The following CNTN5 variants were observed in gnomAD, a reference collection of about 807,000 sequenced individuals.
CNTN5 encodes the protein contactin 5, also known as contactin-5.
In CNTN5, 77 loss-of-function variants were observed where a neutral mutation model predicts 129.1. The observed-to-expected ratio is 0.60, with a 90% CI of 0.50 to 0.72. The LOEUF is 0.72. CNTN5 is among the 30% of genes least tolerant of loss of function. The pLI, the probability that CNTN5 is intolerant of heterozygous loss-of-function variation, is 0.00. For missense variants in CNTN5, 1,478 were observed against 1,328.8 expected (o/e 1.11, Z -1.75); for synonymous variants, 509 against 465.6 (o/e 1.09, Z -1.20).
intron 13 of CNTN5, among the ~76,000 whole-genome samples, chr11:100,184,371 A>G (rs993654896): frequency 6.6e-6 from 1 of 152,188 alleles, no homozygotes; most frequent in Non-Finnish European, 1.5e-5. Flanking sequence ...GCTTTAAAAC[A>G]TAGGGTCTTA....
At chr11:100,148,271 A>C (rs1946923126) in intron 13 of CNTN5, among the ~76,000 whole-genome samples, 1 of 152,180 alleles carries the variant, frequency 6.6e-6, no homozygotes, top group African/African-American at 2.4e-5. Context: ...TTGTCATTTA[A>C]TATCTCAGCC....
At chr11:99,944,244 C>A (rs1591459457) in intron 7 of CNTN5, among the ~76,000 whole-genome samples, 1 of 151,916 alleles carries the variant, frequency 6.6e-6, no homozygotes, top group Non-Finnish European at 1.5e-5. Context: ...AAAATCAACA[C>A]CCTAACATCA....
At chr11:99,078,837 T>C (rs1865684939) in intron 1 of CNTN5, among the ~76,000 whole-genome samples, 1 of 151,922 alleles carries the variant, frequency 6.6e-6, no homozygotes, top group East Asian at 1.9e-4. Context: ...GGTTAGTGGA[T>C]ATAAAAATAT....
chr11:100,333,420 A>C (rs1177422506), intron 21 of CNTN5, among the ~76,000 whole-genome samples: 2 of 150,170 alleles, frequency 1.3e-5, no homozygotes, highest in Non-Finnish European at 3.0e-5. Context: ...AAAAAAAAAA[A>C]AAAAAAAAAA....
At chr11:100,001,211 G>A (rs1939853291) in intron 8 of CNTN5, among the ~76,000 whole-genome samples, 3 of 152,266 alleles carry the variant, frequency 2.0e-5, no homozygotes, top group Non-Finnish European at 2.9e-5. Flanking sequence ...ATGATGGAAG[G>A]AGAAGGAGAA....
chr11:100,320,061 C>T (rs868681130), intron 21 of CNTN5, among the ~76,000 whole-genome samples: 2 of 151,938 alleles, frequency 1.3e-5, no homozygotes, highest in East Asian at 1.9e-4. Context: ...TCATTTTATT[C>T]GAATATATAC....
chr11:99,832,737 T>C (rs371629857), intron 4 of CNTN5, among the ~76,000 whole-genome samples: 25 of 152,290 alleles, frequency 1.6e-4, no homozygotes, highest in Middle Eastern at 3.4e-3. Flanking sequence ...TTCTTGAAAT[T>C]GTCACATAAA....
chr11:100,055,385 T>G (rs1347344918), intron 9 of CNTN5, among the ~76,000 whole-genome samples: 1 of 151,608 alleles, frequency 6.6e-6, no homozygotes, highest in East Asian at 1.9e-4. Flanking sequence ...ATTATTTGTG[T>G]TTTTTCTTAC....
chr11:99,842,527 T>A lies in CNTN5; in HGVS notation c.278-2325T>A, dbSNP rs139639737. On this transcript the variant is annotated intron_variant, in intron 4 of 24. Coordinates refer to ENST00000524871, the MANE Select transcript of CNTN5 (RefSeq NM_014361.4). ...TTGGTTCATGGCTAAAAAATACTAC[T>A]ACTAGAATTTGAACTTACATGTGTC... Among the ~76,000 whole-genome samples the A allele has an allele frequency of 4.8e-4, 73 of 152,342 alleles. No individual in the cohort carries two copies. In the East Asian group the frequency reaches 0.013, roughly 28 times the overall value.
chr11:99,784,980 T>C (rs1361286422), intron 3 of CNTN5, among the ~76,000 whole-genome samples: 2 of 151,862 alleles, frequency 1.3e-5, no homozygotes, highest in Non-Finnish European at 2.9e-5. Context: ...TTTGTATTTT[T>C]AGTAGAGACA....
intron 8 of CNTN5, among the ~76,000 whole-genome samples, chr11:99,980,097 C>A (rs1210755009): frequency 6.6e-6 from 1 of 151,982 alleles, no homozygotes. Flanking sequence ...AATGCTAGAC[C>A]TCTAGCTGTC....
At chr11:99,655,929 A>AAT (rs1438143162) in intron 3 of CNTN5, among the ~76,000 whole-genome samples, 1 of 151,366 alleles carries the variant, frequency 6.6e-6, no homozygotes, top group African/African-American at 2.5e-5. Context: ...ATAAAATACA[A>AAT]ATATATACAC....
intron 3 of CNTN5, among the ~76,000 whole-genome samples, chr11:99,580,650 T>G (rs1949547330): frequency 6.6e-6 from 1 of 152,206 alleles, no homozygotes; most frequent in Admixed American, 6.5e-5. Flanking sequence ...GATGGTAGTT[T>G]GTAGTTCTGT....
intron 1 of CNTN5, among the ~76,000 whole-genome samples, chr11:99,227,345 G>A (rs1348419249): frequency 2.0e-5 from 3 of 151,206 alleles, no homozygotes; most frequent in Non-Finnish European, 4.4e-5. Context: ...GGGGGACAGA[G>A]CGAGAATCTG....
intron 3 of CNTN5, among the ~76,000 whole-genome samples, chr11:99,717,399 G>A (rs17134252): frequency 0.06 from 9,115 of 152,020 alleles, 283 homozygotes; most frequent in East Asian, 0.086. Context: ...AAAGAAAAGC[G>A]TAGGGAAGTT....
At chr11:99,780,980 T>G (rs938283246) in intron 3 of CNTN5, among the ~76,000 whole-genome samples, 9 of 152,026 alleles carry the variant, frequency 5.9e-5, no homozygotes, top group African/African-American at 2.2e-4. Context: ...TTAGGAAATT[T>G]GAACACACAA....
rs567173042 is a variant in CNTN5, at chr11:99,099,104, A to C, written c.-210+77834A>C. On this transcript the variant is annotated intron_variant, in intron 1 of 24. Transcript: ENST00000524871. ...CTGTGAACTTAAGTAGAGAATAGGAATTGTGGATGTCAATTACATTGCACA... is the reference window on the plus strand; with the variant it reads ...CTGTGAACTTAAGTAGAGAATAGGACTTGTGGATGTCAATTACATTGCACA... 2.0e-4 allele frequency among the ~76,000 whole-genome samples: 30 copies of C among 152,246 alleles called. No individual in the cohort carries two copies. In the Middle Eastern group the frequency reaches 0.01, roughly 52 times the overall value.
chr11:99,852,123 G>A (rs1483364857), intron 6 of CNTN5, among the ~76,000 whole-genome samples: 3 of 152,074 alleles, frequency 2.0e-5, no homozygotes, highest in Admixed American at 6.6e-5. Flanking sequence ...AAATAAATTA[G>A]TGTTTGTAAC....
chr11:100,262,938 TA>T (rs924299163), intron 17 of CNTN5, among the ~76,000 whole-genome samples: 2 of 151,872 alleles, frequency 1.3e-5, no homozygotes, highest in South Asian at 4.2e-4. Context: ...TAAAGTATAA[TA>T]AAAAAAAGAA....
Sources: gnomAD v4.1 joint callset for allele counts (sites outside exome capture counted in the v4.1 genomes callset) on GRCh38, gnomAD v4.1.1 for gene constraint, MANE v1.5 for transcripts, NCBI Gene and HGNC (gene_info 2026-07-23, HGNC 2026-07-21) for gene names.